The following PPARGC1A variants were observed in gnomAD, a reference collection of about 807,000 sequenced individuals.
PPARGC1A encodes the protein peroxisome proliferator-activated receptor gamma coactivator 1-alpha.
In PPARGC1A, 25 loss-of-function variants were observed where a neutral mutation model predicts 88.7. The observed-to-expected ratio is 0.28, with a 90% CI of 0.21 to 0.39. The LOEUF is 0.39. Ranked by LOEUF, PPARGC1A falls within the 10% of genes least tolerant of loss-of-function variation. The pLI is 1.00. For missense variants in PPARGC1A, 880 were observed against 968.7 expected, an observed-to-expected ratio of 0.91 and a Z score of 1.22; for synonymous variants, 363 against 355.6, an observed-to-expected ratio of 1.02 and a Z score of -0.24.
chr4:24,267,407 A>AG, the PPARGC1A span, among the ~76,000 whole-genome samples: 1 of 152,242 alleles, frequency 6.6e-6, no homozygotes, highest in Non-Finnish European at 1.5e-5. Flanking sequence ...CAGTAAATGT[A>AG]GGTTCCTTCC....
chr4:23,939,199 G>A, the PPARGC1A span, among the ~76,000 whole-genome samples: 1 of 152,046 alleles, frequency 6.6e-6, no homozygotes, highest in African/African-American at 2.4e-5. Context: ...AACCTCCTGT[G>A]CATTTCAATA....
the PPARGC1A span, among the ~76,000 whole-genome samples, chr4:24,037,051 T>C: frequency 6.6e-6 from 1 of 152,178 alleles, no homozygotes; most frequent in South Asian, 2.1e-4. Context: ...AAAGTTCCCA[T>C]CCTGAAGAAT....
chr4:23,862,664 T>A (rs1229867861), intron 2 of PPARGC1A, among the ~76,000 whole-genome samples: 2 of 152,240 alleles, frequency 1.3e-5, no homozygotes, highest in Non-Finnish European at 2.9e-5. Context: ...AACTATGTTT[T>A]TAACATTGTC....
At chr4:24,100,678 A>G in the PPARGC1A span, among the ~76,000 whole-genome samples, 1 of 152,216 alleles carries the variant, frequency 6.6e-6, no homozygotes, top group Non-Finnish European at 1.5e-5. Context: ...GTGATGAATA[A>G]TCTTTACCAA....
the PPARGC1A span, among the ~76,000 whole-genome samples, chr4:24,125,160 G>A: frequency 6.6e-6 from 1 of 152,152 alleles, no homozygotes; most frequent in African/African-American, 2.4e-5. Context: ...ATGAGCCCAA[G>A]TTATATAGAG....
the PPARGC1A span, among the ~76,000 whole-genome samples, chr4:24,038,643 A>G: frequency 6.6e-6 from 1 of 152,084 alleles, no homozygotes; most frequent in African/African-American, 2.4e-5. Context: ...CGGGATCCTC[A>G]AGGTAGGGGA....
the PPARGC1A span, among the ~76,000 whole-genome samples, chr4:24,305,589 G>T: frequency 6.6e-6 from 1 of 152,156 alleles, no homozygotes; most frequent in Non-Finnish European, 1.5e-5. Flanking sequence ...GAGGCAGGTG[G>T]ATCACCTGAA....
chr4:24,286,160 G>T, the PPARGC1A span, among the ~76,000 whole-genome samples: 1 of 151,976 alleles, frequency 6.6e-6, no homozygotes, highest in Non-Finnish European at 1.5e-5. Context: ...GAGAACAGGT[G>T]AATGATACGT....
the PPARGC1A span, among the ~76,000 whole-genome samples, chr4:24,268,576 T>C: frequency 2.0e-5 from 3 of 152,206 alleles, no homozygotes; most frequent in African/African-American, 7.2e-5. Flanking sequence ...AGCGTTTCTA[T>C]GGCTACCAAA....
At chr4:23,949,326 G>A in the PPARGC1A span, among the ~76,000 whole-genome samples, 1 of 152,070 alleles carries the variant, frequency 6.6e-6, no homozygotes, top group Non-Finnish European at 1.5e-5. Flanking sequence ...TGCAACCATC[G>A]ATTCTCTCTG....
At chr4:24,401,979 C>A in the PPARGC1A span, among the ~76,000 whole-genome samples, 1 of 152,190 alleles carries the variant, frequency 6.6e-6, no homozygotes, top group East Asian at 1.9e-4. Context: ...TGGCTTCAGA[C>A]CCTTGACATA....
the PPARGC1A span, among the ~76,000 whole-genome samples, chr4:24,415,016 C>A: frequency 6.6e-6 from 1 of 152,030 alleles, no homozygotes; most frequent in Non-Finnish European, 1.5e-5. Context: ...ATGGTGAAAC[C>A]CCGTCTCTAC....
At chr4:24,245,260 A>G in the PPARGC1A span, among the ~76,000 whole-genome samples, 1 of 152,350 alleles carries the variant, frequency 6.6e-6, no homozygotes, top group South Asian at 2.1e-4. Flanking sequence ...TACTTACATC[A>G]TGGGCCTGTG....
chr4:24,042,102 G>C, the PPARGC1A span, among the ~76,000 whole-genome samples: 1 of 152,018 alleles, frequency 6.6e-6, no homozygotes, highest in Non-Finnish European at 1.5e-5. Flanking sequence ...ATCATTTCAA[G>C]TGCCATCTGG....
At chr4:23,817,768 C>A (rs1317871963) in intron 7 of PPARGC1A, among the ~76,000 whole-genome samples, 1 of 152,162 alleles carries the variant, frequency 6.6e-6, no homozygotes, top group African/African-American at 2.4e-5. Context: ...TATCTCAAAG[C>A]AAGATTGAGA....
At chr4:23,980,040 GA>G in the PPARGC1A span, among the ~76,000 whole-genome samples, 1 of 152,062 alleles carries the variant, frequency 6.6e-6, no homozygotes, top group Non-Finnish European at 1.5e-5. Flanking sequence ...TGGCTCCTCA[GA>G]AGACCCTGGC....
chr4:24,357,954 C>T, the PPARGC1A span, among the ~76,000 whole-genome samples: 2 of 152,182 alleles, frequency 1.3e-5, no homozygotes, highest in African/African-American at 4.8e-5. Context: ...AGCGTGAAAA[C>T]AGACTAATAT....
At chr4:23,844,811 AAT>A (rs1560429474) in intron 2 of PPARGC1A, among the ~76,000 whole-genome samples, 5 of 126,692 alleles carry the variant, frequency 3.9e-5, no homozygotes, top group Non-Finnish European at 6.5e-5. Flanking sequence ...ATATTATTAT[AAT>A]ATATGATATA....
At chr4:23,800,447 A>G (rs867890901) in intron 12 of PPARGC1A, among the ~76,000 whole-genome samples, 1 of 151,956 alleles carries the variant, frequency 6.6e-6, no homozygotes, top group African/African-American at 2.4e-5. Flanking sequence ...ATGTTTGGCT[A>G]TAATGTAATG....
Sources: gnomAD v4.1 joint callset for allele counts (sites outside exome capture counted in the v4.1 genomes callset) on GRCh38, gnomAD v4.1.1 for gene constraint, MANE v1.5 for transcripts, NCBI Gene and HGNC (gene_info 2026-07-23, HGNC 2026-07-21) for gene names.